PTPRD: variants seen among roughly 807,000 people sequenced by gnomAD.
The protein encoded by PTPRD is protein tyrosine phosphatase receptor type D.
Under a neutral mutation model 214.5 loss-of-function variants are expected in PTPRD, and 34 were observed. That is an observed-to-expected ratio of 0.16 (90% CI 0.12 to 0.21). PTPRD has a LOEUF of 0.21. Among genes scored for constraint, PTPRD ranks in the 10% least tolerant of loss-of-function variants. PTPRD has a pLI of 1.00. For synonymous variants in PTPRD, 1,128 were observed against 845.7 expected (o/e 1.33, Z -5.79); for missense variants, 2,545 against 2,398.7 (o/e 1.06, Z -1.27).
At chr9:10,264,995 G>A (rs932987159) in intron 3 of PTPRD, among the ~76,000 whole-genome samples, 15 of 152,098 alleles carry the variant, frequency 9.9e-5, no homozygotes, top group South Asian at 2.1e-4. Flanking sequence ...CTGACACCAT[G>A]TTTGACATGG....
intron 2 of PTPRD, among the ~76,000 whole-genome samples, chr9:10,452,317 C>A (rs1201899463): frequency 6.6e-6 from 1 of 151,746 alleles, no homozygotes; most frequent in Non-Finnish European, 1.5e-5. Context: ...ATACTGATTT[C>A]ATTTACTTTG....
intron 12 of PTPRD, among the ~76,000 whole-genome samples, chr9:8,709,936 C>G (rs1289770400): frequency 6.6e-6 from 1 of 152,074 alleles, no homozygotes; most frequent in African/African-American, 2.4e-5. Flanking sequence ...AGTCAGACAA[C>G]CTAGGTATGA....
At position 10,517,608 on chromosome 9, in the gene PTPRD, G is replaced by A. The variant is rs145855907; in HGVS notation, c.-600+94790C>T. Among the ~76,000 whole-genome samples, 318 of 151,968 alleles carry A rather than the reference G, an allele frequency of 2.1e-3. 2 individuals carry two copies. The highest frequency in any genetic ancestry group is 7.3e-3 in the African/African-American group (303 of 41,474). On this transcript the variant is annotated intron_variant, in intron 2 of 45. Transcript: ENST00000381196. ...CAGAACTACATTAATATTATGTGTA[G>A]TATATATATGAATGTATCAATATCT...
Position 9,805,773 on chromosome 9 carries a change from T to G in PTPRD, c.-367-38922A>C, listed in dbSNP as rs1598352982. Reference sequence around the variant, plus strand: ...GAATGACCTTTCAAACGTTTGTTTATCAGCGTCTTGCTTAAGAACATTAAT... The same window carrying G: ...GAATGACCTTTCAAACGTTTGTTTAGCAGCGTCTTGCTTAAGAACATTAAT... On this transcript the variant is annotated intron_variant, in intron 5 of 45. Transcript: ENST00000381196. Among the ~76,000 whole-genome samples the G allele has an allele frequency of 2.6e-5, 4 of 152,280 alleles. No homozygotes were observed. In the South Asian group the frequency reaches 8.3e-4, roughly 32 times the overall value.
At chr9:8,429,630 A>G (rs2031218) in intron 35 of PTPRD, among the ~76,000 whole-genome samples, 45,096 of 152,010 alleles carry the variant, frequency 0.3, 7,269 homozygotes, top group East Asian at 0.59. Context: ...TAAAAGGGTC[A>G]TTATCATCAT....
intron 2 of PTPRD, among the ~76,000 whole-genome samples, chr9:10,383,177 TG>T (rs1183743444): frequency 4.6e-5 from 7 of 151,906 alleles, no homozygotes; most frequent in Admixed American, 3.3e-4. Flanking sequence ...AGGTATTGGC[TG>T]TTAGGCATTA....
At chr9:9,673,314 A>G (rs532209101) in intron 7 of PTPRD, among the ~76,000 whole-genome samples, 1 of 152,102 alleles carries the variant, frequency 6.6e-6, no homozygotes, top group African/African-American at 2.4e-5. Flanking sequence ...TCACCATGAT[A>G]TACTTGTAGC....
intron 4 of PTPRD, among the ~76,000 whole-genome samples, chr9:9,957,925 C>A (rs1539641): frequency 0.66 from 100,301 of 151,620 alleles, 35,267 homozygotes; most frequent in East Asian, 0.92. Context: ...AGACCCACAT[C>A]AATACAGTCA....
chr9:10,520,291 T>C (rs2051727405), intron 2 of PTPRD, among the ~76,000 whole-genome samples: 1 of 152,054 alleles, frequency 6.6e-6, no homozygotes. Flanking sequence ...ACATAGAAAA[T>C]CAAACCAACC....
At chr9:10,269,654 A>G (rs1428841900) in intron 3 of PTPRD, among the ~76,000 whole-genome samples, 1 of 152,134 alleles carries the variant, frequency 6.6e-6, no homozygotes, top group Non-Finnish European at 1.5e-5. Context: ...TGTCTTGTAG[A>G]AAGTTCAAGA....
intron 3 of PTPRD, among the ~76,000 whole-genome samples, chr9:10,217,238 A>G (rs943326144): frequency 9.9e-5 from 15 of 151,734 alleles, no homozygotes; most frequent in African/African-American, 2.9e-4. Flanking sequence ...TTATTGGCAC[A>G]TCTAGTATCA....
At chr9:9,497,175 G>A (rs921298253) in intron 8 of PTPRD, among the ~76,000 whole-genome samples, 1 of 152,140 alleles carries the variant, frequency 6.6e-6, no homozygotes, top group Non-Finnish European at 1.5e-5. Flanking sequence ...GGATGGTGGT[G>A]ATAGCTGCAC....
chr9:9,794,963 G>T (rs1393140761), intron 5 of PTPRD, among the ~76,000 whole-genome samples: 1 of 152,212 alleles, frequency 6.6e-6, no homozygotes, highest in Non-Finnish European at 1.5e-5. Flanking sequence ...AGGTCTAAAT[G>T]AATGAGGGAG....
chr9:10,388,319 T>C (rs990285315), intron 2 of PTPRD, among the ~76,000 whole-genome samples: 1 of 151,752 alleles, frequency 6.6e-6, no homozygotes, highest in African/African-American at 2.4e-5. Context: ...AAGTACATCC[T>C]GAGATAAAAT....
chr9:10,289,541 C>T (rs1220949798), intron 3 of PTPRD, among the ~76,000 whole-genome samples: 2 of 152,074 alleles, frequency 1.3e-5, no homozygotes, highest in Non-Finnish European at 2.9e-5. Context: ...TGAAAATAAC[C>T]TGGTAGGTTG....
At chr9:8,830,285 C>A (rs1360034126) in intron 11 of PTPRD, among the ~76,000 whole-genome samples, 5 of 152,056 alleles carry the variant, frequency 3.3e-5, no homozygotes, top group Non-Finnish European at 5.9e-5. Flanking sequence ...TGTTTTACCC[C>A]TTTTCTACAG....
chr9:10,013,403 G>A (rs1296739311), intron 4 of PTPRD, among the ~76,000 whole-genome samples: 1 of 151,828 alleles, frequency 6.6e-6, no homozygotes, highest in Non-Finnish European at 1.5e-5. Flanking sequence ...CCTGATTTAT[G>A]TTATTTGCAT....
At chr9:10,366,958 T>C (rs1357131086) in intron 2 of PTPRD, among the ~76,000 whole-genome samples, 2 of 152,088 alleles carry the variant, frequency 1.3e-5, no homozygotes, top group East Asian at 3.9e-4. Context: ...CTTTATTTCA[T>C]GACCTGGGTG....
At chr9:10,014,616 C>A (rs1000708909) in intron 4 of PTPRD, among the ~76,000 whole-genome samples, 1 of 151,810 alleles carries the variant, frequency 6.6e-6, no homozygotes, top group African/African-American at 2.4e-5. Context: ...AAGACACAGC[C>A]TCAACAAGTC....
Sources: gnomAD v4.1 joint callset for allele counts (sites outside exome capture counted in the v4.1 genomes callset) on GRCh38, gnomAD v4.1.1 for gene constraint, MANE v1.5 for transcripts, NCBI Gene and HGNC (gene_info 2026-07-23, HGNC 2026-07-21) for gene names.